Variants in GRIN2B observed in about 807,000 individuals in gnomAD.
GRIN2B encodes glutamate ionotropic receptor NMDA type subunit 2B.
A neutral mutation model predicts 114.5 loss-of-function variants in GRIN2B; 5 were observed. That is an observed-to-expected ratio of 0.04 (90% CI 0.02 to 0.09). The LOEUF (loss-of-function observed/expected upper bound fraction) is 0.09, where lower values mean the gene tolerates loss of function less well. GRIN2B is among the 10% of genes least tolerant of loss of function. The pLI, the probability that GRIN2B is intolerant of heterozygous loss-of-function variation, is 1.00. For missense variants in GRIN2B, 1,108 were observed against 1,943.5 expected (o/e 0.57, Z 8.08); for synonymous variants, 787 against 745.1 (o/e 1.06, Z -0.92).
Position 13,928,943 on chromosome 12 carries a change from G to A in GRIN2B, c.-19+50985C>T, listed in dbSNP as rs150039322. 5.5e-3 allele frequency among the ~76,000 whole-genome samples: 841 copies of A among 152,014 alleles called. 2 individuals are homozygous for A. The highest frequency in any genetic ancestry group is 7.7e-3 in the Non-Finnish European group (522 of 67,806). On this transcript the variant is annotated intron_variant, in intron 2 of 13. Transcript: ENST00000609686. Reference sequence around the variant, plus strand: ...GAGTTCTTAAGAGATGCCAGGCATTGTGCTAAATACTTAATAAGCATTAAC... The same window carrying A: ...GAGTTCTTAAGAGATGCCAGGCATTATGCTAAATACTTAATAAGCATTAAC...
chr12:13,949,267 T>A (rs1051577496), intron 2 of GRIN2B, among the ~76,000 whole-genome samples: 13 of 152,136 alleles, frequency 8.5e-5, no homozygotes, highest in Non-Finnish European at 1.6e-4. Context: ...AAGAGAGTTA[T>A]TAGAGAAATC....
At chr12:13,580,548 A>G (rs1397246126) in intron 10 of GRIN2B, among the ~76,000 whole-genome samples, 1 of 152,236 alleles carries the variant, frequency 6.6e-6, no homozygotes, top group African/African-American at 2.4e-5. Flanking sequence ...GGCACCCAAG[A>G]GAAAAAGTGG....
At chr12:13,979,688 G>A (rs1020700471) in intron 2 of GRIN2B, among the ~76,000 whole-genome samples, 17 of 152,022 alleles carry the variant, frequency 1.1e-4, no homozygotes, top group African/African-American at 4.1e-4. Context: ...CATCTTTTGT[G>A]CCTGCATACA....
rs535381128 is a variant in GRIN2B, at chr12:13,611,690, A to C, written c.1780+35T>G. On this transcript the variant is annotated intron_variant, in intron 9 of 13. Coordinates refer to ENST00000609686, the MANE Select transcript of GRIN2B (RefSeq NM_000834.5). Reference sequence around the variant, plus strand: ...AGAGATTTGAAAATAAGGAGAAAAAAACTGGGGAAGTGCAGCGGTTCCAGC... The same window carrying C: ...AGAGATTTGAAAATAAGGAGAAAAACACTGGGGAAGTGCAGCGGTTCCAGC... 65 of 1,608,652 alleles carry C rather than the reference A, an allele frequency of 4.0e-5. No individual in the cohort carries two copies. The East Asian group carries it at 1.3e-3, about 32-fold the overall frequency.
At chr12:13,623,279 C>CATA (rs2136489548) in intron 5 of GRIN2B, among the ~76,000 whole-genome samples, 1 of 152,272 alleles carries the variant, frequency 6.6e-6, no homozygotes, top group South Asian at 2.1e-4. Flanking sequence ...AACCAGAAGA[C>CATA]ATAATACATA....
At chr12:13,970,438 A>G (rs898456760) in intron 2 of GRIN2B, among the ~76,000 whole-genome samples, 1 of 152,290 alleles carries the variant, frequency 6.6e-6, no homozygotes, top group East Asian at 1.9e-4. Flanking sequence ...AAATAGAAAC[A>G]TAAAAGGTAT....
At chr12:13,656,980 C>T (rs1334790005) in intron 5 of GRIN2B, among the ~76,000 whole-genome samples, 1 of 152,134 alleles carries the variant, frequency 6.6e-6, no homozygotes, top group Non-Finnish European at 1.5e-5. Context: ...GGACTCATTT[C>T]TTTCTGGGAT....
chr12:13,950,153 C>T (rs532136461), intron 2 of GRIN2B, among the ~76,000 whole-genome samples: 2 of 152,258 alleles, frequency 1.3e-5, no homozygotes, highest in South Asian at 2.1e-4. Flanking sequence ...GGAAAATCAT[C>T]GTATTAATCT....
chr12:13,945,003 G>A (rs1453555380), intron 2 of GRIN2B, among the ~76,000 whole-genome samples: 1 of 152,144 alleles, frequency 6.6e-6, no homozygotes, highest in Non-Finnish European at 1.5e-5. Context: ...ACCATGAGTT[G>A]TTTATCATAA....
intron 4 of GRIN2B, among the ~76,000 whole-genome samples, chr12:13,702,689 C>A (rs1342242540): frequency 6.6e-6 from 1 of 152,100 alleles, no homozygotes; most frequent in Non-Finnish European, 1.5e-5. Flanking sequence ...CCAAATACCC[C>A]ATAAAGACGG....
At chr12:13,960,499 C>A (rs1867669557) in intron 2 of GRIN2B, among the ~76,000 whole-genome samples, 1 of 151,972 alleles carries the variant, frequency 6.6e-6, no homozygotes, top group Non-Finnish European at 1.5e-5. Flanking sequence ...TATGCAAAAG[C>A]ACTTTGAAGA....
At chr12:13,702,080 T>G (rs970016654) in intron 4 of GRIN2B, among the ~76,000 whole-genome samples, 1 of 152,184 alleles carries the variant, frequency 6.6e-6, no homozygotes, top group Non-Finnish European at 1.5e-5. Flanking sequence ...TTAATTAAGA[T>G]TTGTATAAGT....
intron 3 of GRIN2B, among the ~76,000 whole-genome samples, chr12:13,831,979 G>T (rs1429051851): frequency 6.6e-6 from 1 of 152,142 alleles, no homozygotes; most frequent in African/African-American, 2.4e-5. Context: ...TATATAGATG[G>T]GCTTTTCTTT....
chr12:13,892,866 G>A (rs1293891258), intron 2 of GRIN2B, among the ~76,000 whole-genome samples: 1 of 152,144 alleles, frequency 6.6e-6, no homozygotes, highest in Non-Finnish European at 1.5e-5. Flanking sequence ...TGTAGAGAAT[G>A]AATCCTATAA....
chr12:13,879,224 C>T (rs1260850856), intron 2 of GRIN2B, among the ~76,000 whole-genome samples: 1 of 152,144 alleles, frequency 6.6e-6, no homozygotes, highest in African/African-American at 2.4e-5. Flanking sequence ...AGCTATTGCA[C>T]ACCTAGGCCA....
At chr12:13,879,552 C>T (rs938956258) in intron 2 of GRIN2B, among the ~76,000 whole-genome samples, 31 of 151,844 alleles carry the variant, frequency 2.0e-4, no homozygotes, top group Non-Finnish European at 3.2e-4. Flanking sequence ...GTTTGTGAAT[C>T]TTTTCCTGTA....
chr12:13,838,529 T>A (rs1309032212), intron 3 of GRIN2B, among the ~76,000 whole-genome samples: 1 of 152,240 alleles, frequency 6.6e-6, no homozygotes, highest in Non-Finnish European at 1.5e-5. Context: ...CTCTTCTGAT[T>A]ACAGCGCCAA....
intron 2 of GRIN2B, among the ~76,000 whole-genome samples, chr12:13,972,759 G>A (rs1332368764): frequency 6.6e-6 from 1 of 152,206 alleles, no homozygotes; most frequent in Non-Finnish European, 1.5e-5. Flanking sequence ...CCTCCAAGGT[G>A]ACTGTCAGCA....
In GRIN2B at chr12:13,674,659, C is replaced by T. The variant is rs187485094; in HGVS notation, c.1125+1086G>A. Among the ~76,000 whole-genome samples the T allele has an allele frequency of 4.6e-5, 7 of 152,236 alleles. No individual in the cohort carries two copies. The East Asian group carries it at 1.4e-3, about 29-fold the overall frequency. On this transcript the variant is annotated intron_variant, in intron 5 of 13. Transcript: ENST00000609686. ...GATTTCCATTCTAGGCAGAACTATG[C>T]TAACATTTTGAAGCCCATTCTCAGC... is the stretch of plus-strand genomic sequence containing the variant.
Sources: allele counts gnomAD v4.1 joint callset (sites outside exome capture counted in the v4.1 genomes callset), GRCh38; gene constraint gnomAD v4.1.1; transcripts MANE v1.5; gene names NCBI Gene and HGNC (gene_info 2026-07-23, HGNC 2026-07-21).